POLR3B: variants seen among roughly 807,000 people sequenced by gnomAD.
The protein encoded by POLR3B is RNA polymerase III subunit B, also known as DNA-directed RNA polymerase III subunit RPC2.
POLR3B carries 96 observed loss-of-function variants against 147.4 expected under a neutral mutation model. The observed-to-expected ratio is 0.65, with a 90% CI of 0.55 to 0.77. The LOEUF (loss-of-function observed/expected upper bound fraction) is 0.77. Among genes scored for constraint, POLR3B ranks in the 30% least tolerant of loss-of-function variants. POLR3B has a pLI of 0.00. For synonymous variants in POLR3B, 461 were observed against 485.9 expected (o/e 0.95, Z 0.67); for missense variants, 1,036 against 1,413.5 (o/e 0.73, Z 4.28).
At chr12:106,486,733 T>G (rs1471095258) in intron 23 of POLR3B, among the ~76,000 whole-genome samples, 1 of 152,204 alleles carries the variant, frequency 6.6e-6, no homozygotes, top group African/African-American at 2.4e-5. Flanking sequence ...AAGCTGTATT[T>G]TCTGGTGTCC....
intron 23 of POLR3B, among the ~76,000 whole-genome samples, chr12:106,494,119 A>G (rs946906406): frequency 6.6e-6 from 1 of 152,230 alleles, no homozygotes; most frequent in Non-Finnish European, 1.5e-5. Flanking sequence ...AAGCAAAGGT[A>G]TTAGAGATTC....
Position 106,495,982 on chromosome 12 carries a change from G to T in POLR3B, c.2714-73G>T, listed in dbSNP as rs1215985306. 6.3e-5 allele frequency: 55 copies of T among 867,698 alleles called. 1 individual carries two copies. Among genetic ancestry groups the T allele is most frequent in the South Asian group, 5.5e-4 (42 of 76,348 alleles). 53.7% of individuals were successfully genotyped at this position (867,698 alleles called of 1,614,324 possible). A position where few individuals can be genotyped will look rare whatever the true frequency, so the allele number is the denominator to read the frequency against. On this transcript the variant is annotated intron_variant, in intron 23 of 27. Transcript: ENST00000228347. ...GTGGAAATAGAGATAGCAGCGGGGA[G>T]ATCCCAATTAAGTACTGTATTCTTC...
intron 23 of POLR3B, among the ~76,000 whole-genome samples, chr12:106,494,189 TA>T (rs2038443653): frequency 6.6e-6 from 1 of 152,188 alleles, no homozygotes; most frequent in South Asian, 2.1e-4. Context: ...TGAATTTGCT[TA>T]ATTAAATGTG....
In POLR3B at chr12:106,364,310, G is replaced by A. The variant is rs894308370; in HGVS notation, c.105+408G>A. 2.0e-5 allele frequency among the ~76,000 whole-genome samples: 3 copies of A among 152,248 alleles called. No homozygotes were observed. In the East Asian group the frequency reaches 5.8e-4, roughly 29 times the overall value. ...GCCTCCACAGAGTCTGCAGGAAATA[G>A]CGACCAGTCAAGAGGAGCTGCTGAA... is the stretch of plus-strand genomic sequence containing the variant. On this transcript the variant is annotated intron_variant, in intron 2 of 27. Coordinates refer to ENST00000228347, the MANE Select transcript of POLR3B (RefSeq NM_018082.6).
chr12:106,390,829 T>G (rs1321856559), intron 9 of POLR3B, among the ~76,000 whole-genome samples: 1 of 152,208 alleles, frequency 6.6e-6, no homozygotes, highest in East Asian at 1.9e-4. Flanking sequence ...CATTGGGAAT[T>G]TAAGACTTGC....
intron 19 of POLR3B, among the ~76,000 whole-genome samples, chr12:106,451,630 A>AGG (rs1177832853): frequency 1.7e-4 from 9 of 53,928 alleles, no homozygotes; most frequent in African/African-American, 9.6e-4. Context: ...ATTTAAAAAA[A>AGG]GGCGGGGGGG....
Position 106,437,756 on chromosome 12 carries a change from A to T in POLR3B, c.1932A>T (p.Ala644=), listed in dbSNP as rs1490307354. ...DVNEENDCNI[A]LYEHTINKDT... ...ATGAAGAAAATGATTGTAACATTGC[A>T]CTGTACGAACACACAATTAATAAGT... The change falls in exon 18 of 28, where the codon GCA becomes GCT. Residue 644 remains alanine, a synonymous_variant. Transcript: ENST00000228347. 4 of 1,588,774 alleles carry T rather than the reference A, an allele frequency of 2.5e-6. No individual in the cohort carries two copies. The East Asian group carries it at 9.0e-5, about 36-fold the overall frequency.
chr12:106,359,521 G>T (rs1023388421), intron 1 of POLR3B, among the ~76,000 whole-genome samples: 1 of 151,774 alleles, frequency 6.6e-6, no homozygotes, highest in African/African-American at 2.4e-5. Flanking sequence ...TAGTAGAGAC[G>T]GGGTTTCACT....
In POLR3B at chr12:106,467,250, G is replaced by C. The variant is rs113897509; in HGVS notation, c.2713+3630G>C. Reference sequence around the variant, plus strand: ...GAGTTCACTCATGATTTTGCTCTCTGTTTGTCTGTTATTGGTGTATAGGAA... The same window carrying C: ...GAGTTCACTCATGATTTTGCTCTCTCTTTGTCTGTTATTGGTGTATAGGAA... On this transcript the variant is annotated intron_variant, in intron 23 of 27. Transcript: ENST00000228347. Among the ~76,000 whole-genome samples the C allele has an allele frequency of 9.7e-3, 1,477 of 152,154 alleles. 24 individuals carry two copies. The highest frequency in any genetic ancestry group is 0.034 in the African/African-American group (1,410 of 41,498).
intron 23 of POLR3B, among the ~76,000 whole-genome samples, chr12:106,483,924 G>A (rs1358678150): frequency 1.3e-5 from 2 of 152,186 alleles, no homozygotes; most frequent in African/African-American, 4.8e-5. Context: ...GAGAGAGAAA[G>A]GTCTTGAACT....
At chr12:106,358,128 G>A (rs1036699567) in intron 1 of POLR3B, 177 bp downstream of exon 1, 15 of 1,480,058 alleles carry the variant, frequency 1.0e-5, no homozygotes, top group African/African-American at 1.5e-5. Flanking sequence ...GCCTCCGCGT[G>A]CGCGAGTGAA....
chr12:106,363,367 G>A (rs552087313), intron 1 of POLR3B, among the ~76,000 whole-genome samples: 13 of 152,152 alleles, frequency 8.5e-5, no homozygotes, highest in African/African-American at 2.4e-4. Flanking sequence ...AATGTTCCTC[G>A]CCTCCATCAA....
chr12:106,375,496 C>T (rs910164388), intron 6 of POLR3B, among the ~76,000 whole-genome samples: 1 of 152,166 alleles, frequency 6.6e-6, no homozygotes, highest in African/African-American at 2.4e-5. Flanking sequence ...GACTCTTAAA[C>T]TCTCTTTCAT....
intron 9 of POLR3B, among the ~76,000 whole-genome samples, chr12:106,389,049 A>G (rs2036879900): frequency 6.6e-6 from 1 of 152,220 alleles, no homozygotes; most frequent in Non-Finnish European, 1.5e-5. Context: ...TATTAGAAAA[A>G]ATGATTTCAG....
Position 106,378,259 on chromosome 12 carries a change from T to G in POLR3B, c.497-8T>G. On this transcript the variant is annotated splice_region_variant and splice_polypyrimidine_tract_variant and intron_variant, in intron 7 of 27. Coordinates refer to ENST00000228347, the MANE Select transcript of POLR3B (RefSeq NM_018082.6). ...AATGATGAAGTTTTTCTTGTTTCCT[T>G]TGGGTAGGTGGCTACTTCATTGTTA... is the stretch of plus-strand genomic sequence containing the variant. 1 of 1,536,316 alleles carries G rather than the reference T, an allele frequency of 6.5e-7. No individual in the cohort carries two copies. The highest frequency in any genetic ancestry group is 9.0e-7 in the Non-Finnish European group (1 of 1,108,912).
At chr12:106,460,853 C>T (rs929890427) in intron 22 of POLR3B, among the ~76,000 whole-genome samples, 1 of 152,076 alleles carries the variant, frequency 6.6e-6, no homozygotes, top group South Asian at 2.1e-4. Context: ...ATACTTTTTA[C>T]CTTTAAAGGA....
intron 7 of POLR3B, among the ~76,000 whole-genome samples, chr12:106,376,736 G>A (rs572881678): frequency 6.6e-6 from 1 of 151,828 alleles, no homozygotes; most frequent in East Asian, 1.9e-4. Flanking sequence ...TCCCACCTCA[G>A]CTTCCCAAAT....
chr12:106,500,073 G>T, intron 25 of POLR3B: 1 of 455,978 alleles, frequency 2.2e-6, no homozygotes, highest in Non-Finnish European at 4.4e-6. Flanking sequence ...GTTCTTATCT[G>T]ACCTGTCGGG....
chr12:106,441,384 A>G (rs773503765), intron 18 of POLR3B, among the ~76,000 whole-genome samples: 5 of 152,236 alleles, frequency 3.3e-5, no homozygotes, highest in Non-Finnish European at 5.9e-5. Flanking sequence ...TACTACACAC[A>G]TAGACTGTAT....
Sources: allele counts gnomAD v4.1 joint callset (sites outside exome capture counted in the v4.1 genomes callset), GRCh38; gene constraint gnomAD v4.1.1; transcripts MANE v1.5; gene names NCBI Gene and HGNC (gene_info 2026-07-23, HGNC 2026-07-21).